Variants in NRIP1 observed in about 807,000 individuals in gnomAD.
NRIP1 encodes the protein nuclear receptor-interacting protein 1.
NRIP1 carries 28 observed loss-of-function variants against 75.0 expected under a neutral mutation model. The observed-to-expected ratio is 0.37, with a 90% CI of 0.28 to 0.51. The LOEUF (loss-of-function observed/expected upper bound fraction) is 0.51, where lower values mean the gene tolerates loss of function less well. Among genes scored for constraint, NRIP1 ranks in the 20% least tolerant of loss-of-function variants. NRIP1 has a pLI of 0.92. For synonymous variants in NRIP1, 526 were observed against 487.6 expected (o/e 1.08, Z -1.04); for missense variants, 1,435 against 1,343.7 (o/e 1.07, Z -1.06).
At chr21:15,024,537 TAC>T (rs963075127) in intron 2 of NRIP1, among the ~76,000 whole-genome samples, 11 of 151,254 alleles carry the variant, frequency 7.3e-5, no homozygotes, top group African/African-American at 1.5e-4. Context: ...CTGTCTCATA[TAC>T]ACACACACAC....
At chr21:14,976,309 A>G (rs1041907456) in intron 3 of NRIP1, among the ~76,000 whole-genome samples, 4 of 152,284 alleles carry the variant, frequency 2.6e-5, no homozygotes, top group Admixed American at 6.5e-5. Flanking sequence ...TAAACCATGA[A>G]AAAATTCCAT....
chr21:15,028,883 C>T (rs1378971532), intron 2 of NRIP1, among the ~76,000 whole-genome samples: 2 of 152,098 alleles, frequency 1.3e-5, no homozygotes, highest in African/African-American at 2.4e-5. Context: ...CTGACATCCC[C>T]ATTTGGAGGT....
intron 3 of NRIP1, among the ~76,000 whole-genome samples, chr21:14,988,893 G>A (rs951987806): frequency 6.6e-6 from 1 of 152,092 alleles, no homozygotes; most frequent in Admixed American, 6.6e-5. Flanking sequence ...AAAGATTGAA[G>A]TAAGCACACA....
intron 2 of NRIP1, among the ~76,000 whole-genome samples, chr21:15,027,910 A>G (rs2088559149): frequency 6.6e-6 from 1 of 152,074 alleles, no homozygotes; most frequent in East Asian, 1.9e-4. Context: ...ACAATAAATA[A>G]CTCTTTATAT....
At chr21:15,046,742 T>C (rs548846285) in intron 1 of NRIP1, among the ~76,000 whole-genome samples, 1 of 152,228 alleles carries the variant, frequency 6.6e-6, no homozygotes, top group Non-Finnish European at 1.5e-5. Flanking sequence ...AATGTAGCCA[T>C]CTTCATCAAT....
In NRIP1 at chr21:14,963,100, CT is replaced by C. The variant is rs1362571770; in HGVS notation, c.*1615del. 1 of 152,182 alleles carries C rather than the reference CT, an allele frequency of 6.6e-6. No individual in the cohort carries two copies. Among genetic ancestry groups the C allele is most frequent in the Non-Finnish European group, 1.5e-5 (1 of 67,942 alleles). The allele number at this position is 152,182 out of a possible 1,614,324, so 9.4% of individuals were successfully genotyped here. A position where few individuals can be genotyped will look rare whatever the true frequency, so the allele number is the denominator to read the frequency against. ...TATCAACATGTACTTTTCATCACTA[CT>C]TTAAAGTAAAAGATCCAATGGAGTG... On this transcript the variant is annotated 3_prime_UTR_variant, in exon 4 of 4. Transcript: ENST00000318948.
At chr21:15,048,209 G>T (rs9985102) in intron 1 of NRIP1, among the ~76,000 whole-genome samples, 18,322 of 152,094 alleles carry the variant, frequency 0.12, 2,182 homozygotes, top group African/African-American at 0.3. Context: ...TATATTGTGA[G>T]AATTATCAAA....
intron 2 of NRIP1, among the ~76,000 whole-genome samples, chr21:15,030,005 G>A (rs180908131): frequency 7.2e-5 from 11 of 152,216 alleles, no homozygotes; most frequent in African/African-American, 2.6e-4. Flanking sequence ...CCCCTCAGGA[G>A]GTGAATCCCA....
rs2087943553 is a variant in NRIP1, at chr21:15,005,463, A to C, written c.-335+8881T>G. 2.6e-5 allele frequency among the ~76,000 whole-genome samples: 4 copies of C among 152,034 alleles called. No homozygotes were observed. In the South Asian group the frequency reaches 8.3e-4, roughly 32 times the overall value. ...AACGCTGAGGCAGTTTCACCGCATA[A>C]TTTTTTTGTTGTTGTTGAATGTCAC... On this transcript the variant is annotated intron_variant, in intron 3 of 3. Coordinates refer to ENST00000318948, the MANE Select transcript of NRIP1 (RefSeq NM_003489.4).
intron 1 of NRIP1, among the ~76,000 whole-genome samples, chr21:15,062,105 C>A (rs8133012): frequency 0.12 from 18,614 of 152,124 alleles, 1,277 homozygotes; most frequent in East Asian, 0.31. Context: ...ATCTTGGAGG[C>A]CATCTTTCTC....
chr21:14,982,166 T>C (rs1306386035), intron 3 of NRIP1, among the ~76,000 whole-genome samples: 1 of 152,186 alleles, frequency 6.6e-6, no homozygotes, highest in African/African-American at 2.4e-5. Flanking sequence ...CATTCAACTC[T>C]TAAGTTACTT....
chr21:14,980,989 T>C (rs919528366), intron 3 of NRIP1, among the ~76,000 whole-genome samples: 13 of 152,176 alleles, frequency 8.5e-5, no homozygotes, highest in Non-Finnish European at 1.6e-4. Context: ...GATATCTAGA[T>C]AGAAGTTTCC....
chr21:15,035,901 T>C (rs1486512219), intron 2 of NRIP1, among the ~76,000 whole-genome samples: 1 of 152,202 alleles, frequency 6.6e-6, no homozygotes, highest in African/African-American at 2.4e-5. Context: ...TAGAAATCCA[T>C]GGGAGTATTT....
chr21:14,967,859 T>C lies in NRIP1; in HGVS notation c.334A>G (p.Lys112Glu), dbSNP rs1391667671. ...ACCATGCCAGCTAGCAAAGCTTCCT[T>C]CTTTACGTTTAAATTCATGATAGAA... ...SDSIMNLNVK[K>E]EALLAGMVDS... Residue 112 changes from lysine (K) to glutamate (E), a missense_variant, in exon 4 of 4, where the codon AAG becomes GAG. By Grantham distance (56) the Lys-to-Glu change is moderately conservative. Transcript: ENST00000318948. 6.2e-7 allele frequency: 1 copy of C among 1,613,994 alleles called. No homozygotes were observed. The highest frequency in any genetic ancestry group is 1.3e-5 in the African/African-American group (1 of 74,934).
intron 1 of NRIP1, chr21:15,051,296 G>GCGCGTGTGTGTT: frequency 6.2e-6 from 1 of 161,168 alleles, no homozygotes; most frequent in Admixed American, 6.0e-5. Flanking sequence ...GCGTGTGTGT[G>GCGCGTGTGTGTT]TCATTTTCAT....
chr21:14,978,393 T>G (rs2087136949), intron 3 of NRIP1, among the ~76,000 whole-genome samples: 1 of 152,180 alleles, frequency 6.6e-6, no homozygotes, highest in Admixed American at 6.5e-5. Flanking sequence ...GAAATGGTTT[T>G]GAAATAGCCA....
At chr21:14,990,593 G>T (rs183575587) in intron 3 of NRIP1, among the ~76,000 whole-genome samples, 438 of 152,312 alleles carry the variant, frequency 2.9e-3, no homozygotes, top group Non-Finnish European at 5.3e-3. Flanking sequence ...GCAACAGTAA[G>T]AAACAGCCAA....
chr21:15,043,308 G>A lies in NRIP1; in HGVS notation c.-458+187C>T, dbSNP rs116193171. ...TTACTCTAAACCAGACGTTTTATTC[G>A]CTTACACAAAATTTTGATTTACCAA... On this transcript the variant is annotated intron_variant, in intron 2 of 3. Coordinates refer to ENST00000318948, the MANE Select transcript of NRIP1 (RefSeq NM_003489.4). 4.5e-3 allele frequency among the ~76,000 whole-genome samples: 680 copies of A among 152,162 alleles called. 11 individuals carry two copies. Among genetic ancestry groups the A allele is most frequent in the African/African-American group, 0.015 (624 of 41,514 alleles).
At chr21:15,032,634 T>C (rs1244376106) in intron 2 of NRIP1, among the ~76,000 whole-genome samples, 1 of 152,204 alleles carries the variant, frequency 6.6e-6, no homozygotes, top group African/African-American at 2.4e-5. Flanking sequence ...ACTGAATCAA[T>C]TTAACTAAGG....
Sources: gnomAD v4.1 joint callset for allele counts (sites outside exome capture counted in the v4.1 genomes callset) on GRCh38, gnomAD v4.1.1 for gene constraint, MANE v1.5 for transcripts, NCBI Gene and HGNC (gene_info 2026-07-23, HGNC 2026-07-21) for gene names.